PTPRO: variants seen among roughly 807,000 people sequenced by gnomAD.
PTPRO encodes the protein receptor-type tyrosine-protein phosphatase O.
In PTPRO, 62 loss-of-function variants were observed where a neutral mutation model predicts 145.2. The ratio of observed to expected loss-of-function variants is 0.43; its 90% CI spans 0.35 to 0.53. The LOEUF (loss-of-function observed/expected upper bound fraction) is 0.53, where lower values mean the gene tolerates loss of function less well. PTPRO is among the 20% of genes least tolerant of loss of function. PTPRO has a pLI of 0.01. For missense variants in PTPRO, 1,345 were observed against 1,482.7 expected (o/e 0.91, Z 1.53); for synonymous variants, 565 against 514.7 (o/e 1.10, Z -1.32).
At chr12:15,482,105 T>G (rs989813114) in intron 1 of PTPRO, among the ~76,000 whole-genome samples, 1 of 151,864 alleles carries the variant, frequency 6.6e-6, no homozygotes, top group Non-Finnish European at 1.5e-5. Flanking sequence ...CAGAATCAAC[T>G]TAAGTGTCCA....
intron 2 of PTPRO, among the ~76,000 whole-genome samples, chr12:15,492,866 A>C (rs912678697): frequency 6.6e-6 from 1 of 152,134 alleles, no homozygotes; most frequent in Non-Finnish European, 1.5e-5. Context: ...GAATTCATGA[A>C]AAAGAAGGAG....
chr12:15,583,012 CTGTCTATGAAGACAAAA>C (rs1284264538), intron 23 of PTPRO, among the ~76,000 whole-genome samples: 1 of 152,160 alleles, frequency 6.6e-6, no homozygotes, highest in Non-Finnish European at 1.5e-5. Flanking sequence ...CTTGAACATG[CTGTCTATGAAGACAAAA>C]TTGAATAGGA....
In PTPRO at chr12:15,484,380, G is replaced by A; in HGVS notation, c.349+133G>A. ...TAATGCCAAGTGACGTAGATTCAAAGTTATGAGCTATATTAAGAATACAGC... is the reference window on the plus strand; with the variant it reads ...TAATGCCAAGTGACGTAGATTCAAAATTATGAGCTATATTAAGAATACAGC... On this transcript the variant is annotated intron_variant, in intron 2 of 26. Coordinates refer to ENST00000281171, the MANE Select transcript of PTPRO (RefSeq NM_030667.3). 3 of 959,540 alleles carry A rather than the reference G, an allele frequency of 3.1e-6. No homozygotes were observed. The East Asian group carries it at 7.8e-5, about 25-fold the overall frequency. 59.4% of individuals were successfully genotyped at this position (959,540 alleles called of 1,614,324 possible). A position where few individuals can be genotyped will look rare whatever the true frequency, so the allele number is the denominator to read the frequency against.
chr12:15,335,850 T>C (rs1329153942), intron 1 of PTPRO, among the ~76,000 whole-genome samples: 1 of 152,198 alleles, frequency 6.6e-6, no homozygotes, highest in Admixed American at 6.5e-5. Context: ...GGTTCATTTC[T>C]ACTGCTAGAT....
chr12:15,480,436 C>T (rs1941754272), intron 1 of PTPRO, among the ~76,000 whole-genome samples: 2 of 152,156 alleles, frequency 1.3e-5, no homozygotes, highest in Non-Finnish European at 2.9e-5. Context: ...GGAACCTACA[C>T]ATGCTTTCTC....
intron 1 of PTPRO, chr12:15,439,870 C>T (rs1940709831): frequency 1.6e-6 from 1 of 637,794 alleles, no homozygotes; most frequent in South Asian, 1.7e-5. Flanking sequence ...AGAAGCAGAC[C>T]CACGTCGGCC....
chr12:15,353,424 T>C (rs1937877535), intron 1 of PTPRO, among the ~76,000 whole-genome samples: 2 of 152,082 alleles, frequency 1.3e-5, no homozygotes, highest in Non-Finnish European at 2.9e-5. Context: ...GTTTTTTTTT[T>C]TACATTATTA....
intron 21 of PTPRO, 91 bp from the exon 22 acceptor site, chr12:15,580,606 G>GT: frequency 6.5e-7 from 1 of 1,530,542 alleles, no homozygotes; most frequent in Non-Finnish European, 9.0e-7. Context: ...TTTATCACCA[G>GT]TAAGTTTTCA....
chr12:15,548,679 G>C (rs979758920), intron 13 of PTPRO, among the ~76,000 whole-genome samples: 1 of 151,982 alleles, frequency 6.6e-6, no homozygotes, highest in South Asian at 2.1e-4. Context: ...ATAAATTATG[G>C]TATGTCCTTT....
intron 1 of PTPRO, among the ~76,000 whole-genome samples, chr12:15,397,750 A>G (rs537361274): frequency 6.6e-6 from 1 of 152,322 alleles, no homozygotes; most frequent in Admixed American, 6.5e-5. Flanking sequence ...TGGATCTTAC[A>G]TTCTATCAGT....
intron 1 of PTPRO, among the ~76,000 whole-genome samples, chr12:15,422,261 G>C (rs1327794488): frequency 6.6e-6 from 1 of 152,104 alleles, no homozygotes; most frequent in Non-Finnish European, 1.5e-5. Context: ...TTTTAACCAG[G>C]TTTTCTTGTT....
At position 15,549,126 on chromosome 12, in the gene PTPRO, C is replaced by T. The variant is rs942627278; in HGVS notation, c.2337C>T (p.Thr779=). The T allele has an allele frequency of 1.2e-6, 2 of 1,613,484 alleles. No homozygotes were observed. The highest frequency in any genetic ancestry group is 2.2e-5 in the East Asian group (1 of 44,852). ...TTGCTGTTTCTTCCCATGTCGTGAC[C>T]ATCTCCAGCCTTCTTCCTGCCACTG... ...EPVAVSSHVV[T]ISSLLPATAY... is the part of the protein sequence containing the mutation. The change falls in exon 14 of 27, where the codon ACC becomes ACT. Residue 779 remains threonine, a synonymous_variant. Coordinates refer to ENST00000281171, the MANE Select transcript of PTPRO (RefSeq NM_030667.3).
rs368973935 is a variant in PTPRO, at chr12:15,415,878, A to G, written c.76-68096A>G. ...AGAGCAAACATGTCCTTTTTGCTAC[A>G]GAATGCCAAAATTATAATCAACAGG... On this transcript the variant is annotated intron_variant, in intron 1 of 26. Coordinates refer to ENST00000281171, the MANE Select transcript of PTPRO (RefSeq NM_030667.3). 3.8e-3 allele frequency among the ~76,000 whole-genome samples: 584 copies of G among 151,938 alleles called. 3 individuals carry two copies. The highest frequency in any genetic ancestry group is 7.0e-3 in the Non-Finnish European group (475 of 68,032).
rs1284714103 is a variant in PTPRO at position 15,462,997 on chromosome 12, CTCA to C, written c.76-20972_76-20970del. Among the ~76,000 whole-genome samples, 28 of 152,018 alleles carry C rather than the reference CTCA, an allele frequency of 1.8e-4. No individual in the cohort carries two copies. In the East Asian group the frequency reaches 5.0e-3, roughly 27 times the overall value. On this transcript the variant is annotated intron_variant, in intron 1 of 26. Coordinates refer to ENST00000281171, the MANE Select transcript of PTPRO (RefSeq NM_030667.3). ...ATATTGTTATATACTATATATATAA[CTCA>C]TCATATTATTATAAATTATGCACCA...
At chr12:15,540,320 A>G (rs1943155715) in intron 12 of PTPRO, among the ~76,000 whole-genome samples, 1 of 152,252 alleles carries the variant, frequency 6.6e-6, no homozygotes, top group Non-Finnish European at 1.5e-5. Flanking sequence ...ACTTATGACA[A>G]TATAGATGTT....
chr12:15,478,014 A>G (rs1941695568), intron 1 of PTPRO, among the ~76,000 whole-genome samples: 1 of 152,132 alleles, frequency 6.6e-6, no homozygotes, highest in South Asian at 2.1e-4. Flanking sequence ...ACCATGACTC[A>G]GCTGCTCTGT....
intron 6 of PTPRO, among the ~76,000 whole-genome samples, chr12:15,508,042 GT>G (rs1196294711): frequency 2.6e-5 from 4 of 152,110 alleles, no homozygotes; most frequent in African/African-American, 9.7e-5. Context: ...TATCACCCAG[GT>G]TTTAGCCAGC....
intron 1 of PTPRO, among the ~76,000 whole-genome samples, chr12:15,428,584 A>C (rs1940347759): frequency 6.6e-6 from 1 of 152,168 alleles, no homozygotes. Flanking sequence ...GGATTTTTTT[A>C]TAATCAAGAA....
At chr12:15,577,477 C>T (rs146966261) in intron 19 of PTPRO, among the ~76,000 whole-genome samples, 9 of 152,272 alleles carry the variant, frequency 5.9e-5, no homozygotes, top group Non-Finnish European at 1.2e-4. Context: ...AATCCTAGAA[C>T]GTGGTCAAGT....
Sources: allele counts gnomAD v4.1 joint callset (sites outside exome capture counted in the v4.1 genomes callset), GRCh38; gene constraint gnomAD v4.1.1; transcripts MANE v1.5; gene names NCBI Gene and HGNC (gene_info 2026-07-23, HGNC 2026-07-21).